Variants in KCNJ12 observed in about 807,000 individuals in gnomAD.
KCNJ12 encodes the protein ATP-sensitive inward rectifier potassium channel 12.
In KCNJ12, 2 loss-of-function variants were observed where a neutral mutation model predicts 22.3. The observed-to-expected ratio is 0.09, with a 90% confidence interval of 0.04 to 0.28. The LOEUF (loss-of-function observed/expected upper bound fraction) is 0.28, where lower values mean the gene tolerates loss of function less well. Among genes scored for constraint, KCNJ12 ranks in the 10% least tolerant of loss-of-function variants. The pLI, the probability that KCNJ12 is intolerant of heterozygous loss-of-function variation, is 1.00. For synonymous variants in KCNJ12, 117 were observed against 261.4 expected, an observed-to-expected ratio of 0.45 and a Z score of 5.33; for missense variants, 155 against 633.3, an observed-to-expected ratio of 0.24 and a Z score of 8.11.
rs201223000 is a variant in KCNJ12, at chr17:21,416,567, A to C, written c.1225A>C (p.Arg409=). ...RSRDGLSPQA[R]HDFDRLQAGG... ...CCGGGACGGCCTCAGCCCCCAGGCC[A>C]GGCATGACTTTGACAGACTCCAGGC... The change falls in exon 3 of 3, where the codon AGG becomes CGG. Residue 409 remains arginine (R), a synonymous_variant. Transcript: ENST00000583088. 1.2e-6 allele frequency: 2 copies of C among 1,606,088 alleles called. No homozygotes were observed. The highest frequency in any genetic ancestry group is 1.7e-6 in the Non-Finnish European group (2 of 1,175,410).
chr17:21,403,652 C>G (rs1465917570), intron 1 of KCNJ12, among the ~76,000 whole-genome samples: 6 of 152,248 alleles, frequency 3.9e-5, no homozygotes, highest in African/African-American at 1.4e-4. Flanking sequence ...CAGCTGAGGC[C>G]CTAAAGGGGC....
At chr17:21,393,296 G>T (rs1905254820) in intron 1 of KCNJ12, among the ~76,000 whole-genome samples, 1 of 152,104 alleles carries the variant, frequency 6.6e-6, no homozygotes, top group South Asian at 2.1e-4. Context: ...ACAGTAGAGG[G>T]GTCTGGCTCT....
At chr17:21,402,954 T>G (rs4247123) in intron 1 of KCNJ12, among the ~76,000 whole-genome samples, 1 of 147,386 alleles carries the variant, frequency 6.8e-6, no homozygotes, top group African/African-American at 2.5e-5. Context: ...CTCCTCTCTG[T>G]GCCTCATTTC....
intron 1 of KCNJ12, among the ~76,000 whole-genome samples, chr17:21,394,681 G>A (rs1170410208): frequency 6.6e-6 from 1 of 152,214 alleles, no homozygotes; most frequent in African/African-American, 2.4e-5. Flanking sequence ...TCGAGGCTGA[G>A]GGTGGGGAAG....
At chr17:21,377,542 G>T (rs749167493) in intron 1 of KCNJ12, among the ~76,000 whole-genome samples, 3 of 152,150 alleles carry the variant, frequency 2.0e-5, no homozygotes, top group African/African-American at 7.2e-5. Context: ...GGGGATGGCC[G>T]CTGGCTGAGA....
intron 1 of KCNJ12, among the ~76,000 whole-genome samples, chr17:21,403,593 C>T (rs1905757174): frequency 6.6e-6 from 1 of 152,254 alleles, no homozygotes; most frequent in African/African-American, 2.4e-5. Context: ...TGACCTGTGC[C>T]TCCCGCTGGG....
chr17:21,415,789 C>A lies in KCNJ12; in HGVS notation c.447C>A (p.Arg149=). 1 of 1,613,422 alleles carries A rather than the reference C, an allele frequency of 6.2e-7. No individual in the cohort carries two copies. Among genetic ancestry groups the A allele is most frequent in the Non-Finnish European group, 8.5e-7 (1 of 1,180,022 alleles). ...AGACCACCATCGGCTACGGGCTGCG[C>A]TGTGTGACGGAGGAGTGCCCGGTGG... ...ETQTTIGYGL[R]CVTEECPVAV... is the part of the protein sequence containing the mutation. Residue 149 remains arginine (R), a synonymous_variant, in exon 3 of 3, where the codon CGC becomes CGA. Coordinates refer to ENST00000583088, the MANE Select transcript of KCNJ12 (RefSeq NM_021012.5).
At chr17:21,407,532 C>T (rs1337830969) in intron 1 of KCNJ12, among the ~76,000 whole-genome samples, 1 of 152,170 alleles carries the variant, frequency 6.6e-6, no homozygotes, top group Non-Finnish European at 1.5e-5. Context: ...TCTGCCCATC[C>T]ATCCATCCCA....
Position 21,387,105 on chromosome 17 carries a change from G to A in KCNJ12, c.-179+10192G>A, listed in dbSNP as rs1905092761. Among the ~76,000 whole-genome samples, 4 of 152,010 alleles carry A rather than the reference G, an allele frequency of 2.6e-5. No individual in the cohort carries two copies. In the South Asian group the frequency reaches 8.3e-4, roughly 32 times the overall value. ...CGGGGGGCGGAGCCTGCAGTGAGCG[G>A]AGATCGCGCCACTGCATTCCAGCCT... is the stretch of plus-strand genomic sequence containing the variant. On this transcript the variant is annotated intron_variant, in intron 1 of 2. Transcript: ENST00000583088.
intron 1 of KCNJ12, among the ~76,000 whole-genome samples, chr17:21,384,235 C>T (rs928292056): frequency 3.3e-5 from 5 of 152,176 alleles, no homozygotes; most frequent in Non-Finnish European, 5.9e-5. Context: ...CAGGGGGTCT[C>T]ATCCTGTCGT....
chr17:21,412,281 C>G (rs1194812884), intron 2 of KCNJ12, among the ~76,000 whole-genome samples: 3 of 152,214 alleles, frequency 2.0e-5, no homozygotes, highest in Admixed American at 2.0e-4. Context: ...ACCATCTGGG[C>G]AGGTCTGCGG....
At position 21,401,018 on chromosome 17, in the gene KCNJ12, T is replaced by C. The variant is rs74509564; in HGVS notation, c.-178-7501T>C. Among the ~76,000 whole-genome samples the C allele has an allele frequency of 2.6e-5, 4 of 152,284 alleles. No individual in the cohort carries two copies. In the South Asian group the frequency reaches 6.2e-4, roughly 24 times the overall value. On this transcript the variant is annotated intron_variant, in intron 1 of 2. Transcript: ENST00000583088. ...GTCCAGCATACATTTCACAGAGAGG[T>C]TGAAGGCGGGGAAGTTGATGATTTT...
At chr17:21,380,499 G>A (rs1904827310) in intron 1 of KCNJ12, among the ~76,000 whole-genome samples, 1 of 152,164 alleles carries the variant, frequency 6.6e-6, no homozygotes, top group Non-Finnish European at 1.5e-5. Flanking sequence ...ACCAAGATGG[G>A]GTCACTCTTC....
At chr17:21,384,231 G>T (rs982363393) in intron 1 of KCNJ12, among the ~76,000 whole-genome samples, 2 of 152,124 alleles carry the variant, frequency 1.3e-5, no homozygotes, top group Admixed American at 6.5e-5. Context: ...GACCCAGGGG[G>T]TCTCATCCTG....
intron 1 of KCNJ12, among the ~76,000 whole-genome samples, chr17:21,406,882 C>T (rs1225683173): frequency 5.9e-5 from 9 of 152,412 alleles, no homozygotes; most frequent in African/African-American, 1.7e-4. Flanking sequence ...GGTGGCTCAC[C>T]GTGGAGATCC....
chr17:21,393,769 T>G (rs1354795306), intron 1 of KCNJ12, among the ~76,000 whole-genome samples: 2 of 152,244 alleles, frequency 1.3e-5, no homozygotes, highest in African/African-American at 4.8e-5. Flanking sequence ...CCCATGTGTT[T>G]GACACCAGCC....
At chr17:21,391,033 G>C (rs184562060) in intron 1 of KCNJ12, among the ~76,000 whole-genome samples, 1 of 152,294 alleles carries the variant, frequency 6.6e-6, no homozygotes, top group Non-Finnish European at 1.5e-5. Context: ...TCCTAATCTG[G>C]ATGTCGTGTG....
At chr17:21,410,919 G>T (rs1434401016) in intron 2 of KCNJ12, among the ~76,000 whole-genome samples, 2 of 152,308 alleles carry the variant, frequency 1.3e-5, no homozygotes, top group Non-Finnish European at 2.9e-5. Context: ...GCACGTGGCA[G>T]GTAGTAAGCA....
chr17:21,400,062 C>T (rs1905519096), intron 1 of KCNJ12, among the ~76,000 whole-genome samples: 1 of 152,178 alleles, frequency 6.6e-6, no homozygotes, highest in African/African-American at 2.4e-5. Context: ...GTGCCTGAGT[C>T]TCCTCACTGT....
Sources: gnomAD v4.1 joint callset for allele counts (sites outside exome capture counted in the v4.1 genomes callset) on GRCh38, gnomAD v4.1.1 for gene constraint, MANE v1.5 for transcripts, NCBI Gene and HGNC (gene_info 2026-07-23, HGNC 2026-07-21) for gene names.